The following STN1 variants were observed in gnomAD, a reference collection of about 807,000 sequenced individuals.
The protein encoded by STN1 is CST complex subunit STN1.
In STN1, 29 loss-of-function variants were observed where a neutral mutation model predicts 45.5. That is an observed-to-expected ratio of 0.64 (90% CI 0.47 to 0.87). The LOEUF (loss-of-function observed/expected upper bound fraction) is 0.87. STN1 is among the 40% of genes least tolerant of loss of function. The pLI, the probability that STN1 is intolerant of heterozygous loss-of-function variation, is 0.00. For missense variants in STN1, 376 were observed against 441.4 expected (o/e 0.85, Z 1.33); for synonymous variants, 148 against 159.0 (o/e 0.93, Z 0.52).
intron 2 of STN1, 90 bp downstream of exon 2, chr10:103,917,372 C>T (rs1408274986): frequency 1.6e-5 from 20 of 1,277,748 alleles, no homozygotes; most frequent in Non-Finnish European, 2.2e-5. Context: ...AGGGAAGGCT[C>T]TCCTAAAAGC....
chr10:103,889,183 G>C (rs1201434898), intron 8 of STN1, 39 bp from the exon 9 acceptor site: 4 of 1,318,920 alleles, frequency 3.0e-6, no homozygotes, highest in Non-Finnish European at 3.3e-6. Context: ...AGTGTTCTTA[G>C]GTAACACAGC....
chr10:103,880,873 G>A lies in STN1; in HGVS notation c.*1811C>T, dbSNP rs1843064090. 6.6e-6 allele frequency among the ~76,000 whole-genome samples: 1 copy of A among 152,054 alleles called. No individual in the cohort carries two copies. Among genetic ancestry groups the A allele is most frequent in the Non-Finnish European group, 1.5e-5 (1 of 68,006 alleles). ...GTACTTCCAGGAGAAGGGAGTGGTC[G>A]ACTGTGTGTGTGTATATATATATAT... On this transcript the variant is annotated 3_prime_UTR_variant, in exon 10 of 10. Coordinates refer to ENST00000224950, the MANE Select transcript of STN1 (RefSeq NM_024928.5).
chr10:103,909,814 T>C (rs2134374635), intron 3 of STN1, among the ~76,000 whole-genome samples: 2 of 152,190 alleles, frequency 1.3e-5, no homozygotes, highest in Non-Finnish European at 1.5e-5. Context: ...CAGCAAAGGT[T>C]TGGAATTTAA....
intron 7 of STN1, among the ~76,000 whole-genome samples, chr10:103,895,002 T>C (rs1264437285): frequency 2.0e-5 from 3 of 152,232 alleles, no homozygotes; most frequent in Non-Finnish European, 2.9e-5. Flanking sequence ...TAAGCTTTCA[T>C]CTGTATGACA....
intron 9 of STN1, among the ~76,000 whole-genome samples, chr10:103,885,006 T>C (rs1421141815): frequency 6.6e-6 from 1 of 152,142 alleles, no homozygotes; most frequent in Non-Finnish European, 1.5e-5. Context: ...CAAGTAGAGC[T>C]TGGCAGACCT....
At chr10:103,895,074 G>C (rs1433876903) in intron 7 of STN1, among the ~76,000 whole-genome samples, 1 of 152,160 alleles carries the variant, frequency 6.6e-6, no homozygotes, top group South Asian at 2.1e-4. Flanking sequence ...AGTCTCCCAG[G>C]AATCTATTAA....
At chr10:103,902,711 C>G (rs540110282) in intron 4 of STN1, among the ~76,000 whole-genome samples, 33 of 152,314 alleles carry the variant, frequency 2.2e-4, no homozygotes, top group South Asian at 4.1e-4. Context: ...GATTTTGACT[C>G]AGACTAAATT....
rs532223961 is a variant in STN1, at chr10:103,880,867, G to A, written c.*1817C>T. 1.3e-4 allele frequency among the ~76,000 whole-genome samples: 20 copies of A among 152,294 alleles called. No homozygotes were observed. Among genetic ancestry groups the A allele is most frequent in the African/African-American group, 4.6e-4 (19 of 41,558 alleles). On this transcript the variant is annotated 3_prime_UTR_variant, in exon 10 of 10. Transcript: ENST00000224950. ...CGGAAAGTACTTCCAGGAGAAGGGA[G>A]TGGTCGACTGTGTGTGTGTATATAT...
intron 3 of STN1, 93 bp from the exon 4 acceptor site, chr10:103,905,249 C>A: frequency 9.0e-7 from 1 of 1,116,008 alleles, no homozygotes; most frequent in East Asian, 2.4e-5. Context: ...TGAAAGATGA[C>A]CTCTTTCAAT....
intron 5 of STN1, 29 bp from the exon 6 acceptor site, chr10:103,899,029 C>A: frequency 6.2e-7 from 1 of 1,611,688 alleles, no homozygotes; most frequent in East Asian, 2.2e-5. Context: ...AAAGATGCTA[C>A]AGAAATTACA....
intron 9 of STN1, among the ~76,000 whole-genome samples, chr10:103,883,981 T>C (rs1843087699): frequency 6.7e-6 from 1 of 150,192 alleles, no homozygotes; most frequent in South Asian, 2.1e-4. Context: ...TCCTAGCTAC[T>C]TGGGAGGTTG....
At position 103,898,813 on chromosome 10, in the gene STN1, T is replaced by C. The variant is rs190610583; in HGVS notation, c.581+64A>G. Reference sequence around the variant, plus strand: ...TTGAACCTAGGCCGATCCCAGCATCTGGGCTCAGCTGCTTCAGTTTTCTGC... The same window carrying C: ...TTGAACCTAGGCCGATCCCAGCATCCGGGCTCAGCTGCTTCAGTTTTCTGC... On this transcript the variant is annotated intron_variant, in intron 6 of 9. Coordinates refer to ENST00000224950, the MANE Select transcript of STN1 (RefSeq NM_024928.5). The C allele has an allele frequency of 1.1e-4, 172 of 1,597,060 alleles. 1 individual carries two copies. In the African/African-American group the frequency reaches 2.1e-3, roughly 19 times the overall value.
chr10:103,917,335 G>T, intron 2 of STN1, 127 bp downstream of exon 2: 1 of 742,808 alleles, frequency 1.3e-6, no homozygotes. Context: ...CGAAGGTCCA[G>T]GCTAGGTCCC....
At chr10:103,898,130 A>C (rs1843183490) in intron 6 of STN1, among the ~76,000 whole-genome samples, 1 of 152,172 alleles carries the variant, frequency 6.6e-6, no homozygotes, top group Non-Finnish European at 1.5e-5. Context: ...AAAATGGAGA[A>C]TTTTCACTTT....
Position 103,879,918 on chromosome 10 carries a change from G to A in STN1, c.*2766C>T, listed in dbSNP as rs978300500. On this transcript the variant is annotated 3_prime_UTR_variant, in exon 10 of 10. Coordinates refer to ENST00000224950, the MANE Select transcript of STN1 (RefSeq NM_024928.5). Reference sequence around the variant, plus strand: ...ATGGAGCTACCTCTTCCTGAATCAGGGACATTTTCCAAAGGAGTGGCACAG... The same window carrying A: ...ATGGAGCTACCTCTTCCTGAATCAGAGACATTTTCCAAAGGAGTGGCACAG... 4.6e-5 allele frequency among the ~76,000 whole-genome samples: 7 copies of A among 152,208 alleles called. No individual in the cohort carries two copies. Among genetic ancestry groups the A allele is most frequent in the Non-Finnish European group, 1.0e-4 (7 of 68,040 alleles).
At chr10:103,912,923 A>T (rs1843300920) in intron 2 of STN1, among the ~76,000 whole-genome samples, 1 of 152,194 alleles carries the variant, frequency 6.6e-6, no homozygotes, top group Non-Finnish European at 1.5e-5. Context: ...CACATAGGCA[A>T]TCAGAGGCAG....
intron 4 of STN1, 30 bp from the exon 5 acceptor site, chr10:103,900,253 GAA>G (rs764311913): frequency 6.2e-7 from 1 of 1,608,162 alleles, no homozygotes; most frequent in Non-Finnish European, 8.5e-7. Context: ...GAGGGAAAGA[GAA>G]AAAGTTATAA....
chr10:103,911,798 G>A (rs991772831), intron 2 of STN1, among the ~76,000 whole-genome samples: 1 of 152,170 alleles, frequency 6.6e-6, no homozygotes, highest in Non-Finnish European at 1.5e-5. Context: ...GGGGGGACCT[G>A]TGGCCTGAAT....
At chr10:103,892,940 A>G (rs900952884) in intron 7 of STN1, among the ~76,000 whole-genome samples, 2 of 152,314 alleles carry the variant, frequency 1.3e-5, no homozygotes, top group African/African-American at 4.8e-5. Flanking sequence ...AAGCTAGGCT[A>G]TCAGCTATGT....
Sources: gnomAD v4.1 joint callset for allele counts (sites outside exome capture counted in the v4.1 genomes callset) on GRCh38, gnomAD v4.1.1 for gene constraint, MANE v1.5 for transcripts, NCBI Gene and HGNC (gene_info 2026-07-23, HGNC 2026-07-21) for gene names.